Variants in RBFOX3 observed in about 807,000 individuals in gnomAD.
The protein encoded by RBFOX3 is RNA binding protein fox-1 homolog 3.
RBFOX3 carries 17 observed loss-of-function variants against 48.7 expected under a neutral mutation model. That is an observed-to-expected ratio of 0.35 (90% confidence interval 0.24 to 0.52). The LOEUF is 0.52. Among genes scored for constraint, RBFOX3 ranks in the 20% least tolerant of loss-of-function variants. RBFOX3 has a pLI of 0.94. For synonymous variants in RBFOX3, 212 were observed against 209.5 expected (o/e 1.01, Z -0.10); for missense variants, 382 against 497.5 (o/e 0.77, Z 2.21).
the RBFOX3 span, among the ~76,000 whole-genome samples, chr17:79,622,619 C>G: frequency 7.9e-5 from 12 of 152,172 alleles, no homozygotes; most frequent in Non-Finnish European, 1.8e-4. Flanking sequence ...GCTGGCCGTC[C>G]CCTCCCTGTG....
intron 2 of RBFOX3, among the ~76,000 whole-genome samples, chr17:79,371,110 C>G (rs2058483573): frequency 6.6e-6 from 1 of 152,202 alleles, no homozygotes; most frequent in Admixed American, 6.5e-5. Flanking sequence ...TCTGGGTGTC[C>G]CTGGGCCACC....
intron 2 of RBFOX3, among the ~76,000 whole-genome samples, chr17:79,404,362 A>T (rs1029445457): frequency 5.3e-5 from 8 of 152,130 alleles, no homozygotes; most frequent in Admixed American, 5.2e-4. Flanking sequence ...CACTCCGGGC[A>T]TGAGGGATGC....
intron 2 of RBFOX3, among the ~76,000 whole-genome samples, chr17:79,327,649 T>C (rs1385722900): frequency 6.6e-6 from 1 of 152,222 alleles, no homozygotes; most frequent in Admixed American, 6.5e-5. Flanking sequence ...CTTTTTCACC[T>C]GGGAAAATAC....
chr17:79,562,313 T>C (rs1472599657), intron 1 of RBFOX3, among the ~76,000 whole-genome samples: 1 of 151,994 alleles, frequency 6.6e-6, no homozygotes, highest in Non-Finnish European at 1.5e-5. Context: ...AGGGCCAGAG[T>C]CCTGTGGCTC....
intron 3 of RBFOX3, among the ~76,000 whole-genome samples, chr17:79,236,446 G>C (rs993629238): frequency 8.6e-5 from 13 of 151,996 alleles, no homozygotes; most frequent in African/African-American, 3.1e-4. Flanking sequence ...GTGCCACCCC[G>C]CCCAGCTAAT....
At chr17:79,568,964 C>T (rs2092567798) in intron 1 of RBFOX3, among the ~76,000 whole-genome samples, 2 of 152,032 alleles carry the variant, frequency 1.3e-5, no homozygotes, top group African/African-American at 4.8e-5. Flanking sequence ...CCACTAGATG[C>T]TTAGGTATCT....
chr17:79,373,114 G>A (rs961397414), intron 2 of RBFOX3, among the ~76,000 whole-genome samples: 16 of 152,198 alleles, frequency 1.1e-4, no homozygotes, highest in African/African-American at 3.9e-4. Context: ...AGACAGGGGT[G>A]ACGGCAGGGG....
the RBFOX3 span, among the ~76,000 whole-genome samples, chr17:79,640,429 G>T: frequency 1.3e-5 from 2 of 152,074 alleles, no homozygotes; most frequent in East Asian, 3.9e-4. Flanking sequence ...TCAAAATCCC[G>T]ATGGCATTCT....
chr17:79,097,897 G>A (rs1269571288), intron 9 of RBFOX3, 152 bp from the exon 10 acceptor site: 1 of 729,692 alleles, frequency 1.4e-6, no homozygotes. Context: ...CACACTGCCC[G>A]GACAAGTGCT....
chr17:79,593,757 A>C (rs889817030), intron 1 of RBFOX3, among the ~76,000 whole-genome samples: 2 of 152,234 alleles, frequency 1.3e-5, no homozygotes, highest in Non-Finnish European at 1.5e-5. Context: ...CGATGGGCAC[A>C]CTGGGCACCA....
At chr17:79,264,270 T>A (rs938603963) in intron 3 of RBFOX3, among the ~76,000 whole-genome samples, 2 of 151,828 alleles carry the variant, frequency 1.3e-5, no homozygotes, top group African/African-American at 4.8e-5. Context: ...GAGACAGGAT[T>A]TCACCATGTT....
chr17:79,125,428 A>G (rs546623594), intron 4 of RBFOX3, among the ~76,000 whole-genome samples: 1 of 152,320 alleles, frequency 6.6e-6, no homozygotes, highest in South Asian at 2.1e-4. Context: ...GGACCCCCAG[A>G]GGTGTCTGCC....
the RBFOX3 span, among the ~76,000 whole-genome samples, chr17:79,643,324 A>G: frequency 6.6e-6 from 1 of 152,228 alleles, no homozygotes; most frequent in African/African-American, 2.4e-5. Context: ...GGAAAAAGCC[A>G]AAAGAATTAA....
intron 4 of RBFOX3, among the ~76,000 whole-genome samples, chr17:79,133,946 G>A (rs916450513): frequency 9.9e-5 from 15 of 152,200 alleles, no homozygotes; most frequent in African/African-American, 2.9e-4. Flanking sequence ...AGGCATCCTC[G>A]TTTCTGTTTT....
chr17:79,396,423 G>A (rs2062000655), intron 2 of RBFOX3, among the ~76,000 whole-genome samples: 1 of 152,128 alleles, frequency 6.6e-6, no homozygotes, highest in South Asian at 2.1e-4. Context: ...TAAGGAAAAG[G>A]GGCTCCCCAC....
the RBFOX3 span, among the ~76,000 whole-genome samples, chr17:79,622,735 A>G: frequency 6.6e-6 from 1 of 152,166 alleles, no homozygotes; most frequent in Non-Finnish European, 1.5e-5. Context: ...TTTCACCTGA[A>G]TCACCTCTTC....
At chr17:79,202,261 G>A (rs550530458) in intron 4 of RBFOX3, among the ~76,000 whole-genome samples, 10 of 152,208 alleles carry the variant, frequency 6.6e-5, no homozygotes, top group South Asian at 6.2e-4. Context: ...ACAGCAAAAC[G>A]GGAGGAGCCT....
At chr17:79,398,031 G>A (rs57488440) in intron 2 of RBFOX3, among the ~76,000 whole-genome samples, 1 of 152,046 alleles carries the variant, frequency 6.6e-6, no homozygotes, top group South Asian at 2.1e-4. Flanking sequence ...AGTATCACAG[G>A]AGTTTAAAGA....
intron 2 of RBFOX3, among the ~76,000 whole-genome samples, chr17:79,405,739 G>C (rs1276308442): frequency 6.6e-6 from 1 of 152,142 alleles, no homozygotes; most frequent in Non-Finnish European, 1.5e-5. Flanking sequence ...AAACAAGAAA[G>C]AGAAAAAGAA....
Sources: allele counts gnomAD v4.1 joint callset (sites outside exome capture counted in the v4.1 genomes callset), GRCh38; gene constraint gnomAD v4.1.1; transcripts MANE v1.5; gene names NCBI Gene and HGNC (gene_info 2026-07-23, HGNC 2026-07-21).